The following ITFG2 variants were observed in gnomAD, a reference collection of about 807,000 sequenced individuals.
ITFG2 encodes the protein KICSTOR complex protein ITFG2.
A neutral mutation model predicts 54.4 loss-of-function variants in ITFG2; 36 were observed. That is an observed-to-expected ratio of 0.66 (90% confidence interval 0.51 to 0.87). The LOEUF is 0.87. Ranked by LOEUF, ITFG2 falls within the 40% of genes least tolerant of loss-of-function variation. The pLI, the probability that ITFG2 is intolerant of heterozygous loss-of-function variation, is 0.00. For missense variants in ITFG2, 524 were observed against 576.7 expected (o/e 0.91, Z 0.94); for synonymous variants, 211 against 225.4 (o/e 0.94, Z 0.57).
rs1452608806 is a variant in ITFG2, at chr12:2,849,149, G to C, written n.300+8154G>C. ...AGCCAGAGTCCTTTTGCTACCCCAG[G>C]GCCTCTTGCTGAAGGAGCATTGATT... is the stretch of plus-strand genomic sequence containing the variant. On this transcript the variant is annotated intron_variant and non_coding_transcript_variant, in intron 2 of 3. Coordinates refer to the ITFG2 transcript ENST00000537710. 5.0e-6 allele frequency: 7 copies of C among 1,398,186 alleles called. No individual in the cohort carries two copies. In the African/African-American group the frequency reaches 8.7e-5, roughly 17 times the overall value. 86.6% of individuals were successfully genotyped at this position (1,398,186 alleles called of 1,614,324 possible). A position where few individuals can be genotyped will look rare whatever the true frequency, so the allele number is the denominator to read the frequency against.
intron 4 of ITFG2, 118 bp from the exon 5 acceptor site, chr12:2,819,968 A>T: frequency 7.6e-7 from 1 of 1,307,860 alleles, no homozygotes; most frequent in Non-Finnish European, 1.0e-6. Flanking sequence ...CTGAGGGTGA[A>T]GTGAGTAGCA....
rs1435834023 is a variant in ITFG2, at chr12:2,824,380, GAA to G, written c.*188_*189del. ...AGACCTCGCAGTCTTTTCGGTGAAA[GAA>G]GAGACAAGTTGACCCTCTGCCCATT... On this transcript the variant is annotated 3_prime_UTR_variant, in exon 12 of 12. Coordinates refer to ENST00000228799, the MANE Select transcript of ITFG2 (RefSeq NM_018463.4). The G allele has an allele frequency of 1.4e-6, 1 of 697,898 alleles. No individual in the cohort carries two copies. Among genetic ancestry groups the G allele is most frequent in the East Asian group, 2.8e-5 (1 of 35,650 alleles). 43.2% of individuals were successfully genotyped at this position (697,898 alleles called of 1,614,324 possible).
At chr12:2,855,014 C>T (rs752038319) in intron 2 of ITFG2, 3 of 1,536,156 alleles carry the variant, frequency 2.0e-6, no homozygotes, top group South Asian at 2.4e-5. Context: ...CTGAAAATCA[C>T]CTGCTTCTTC....
chr12:2,816,839 A>T (rs922893639), intron 1 of ITFG2, among the ~76,000 whole-genome samples: 4 of 149,102 alleles, frequency 2.7e-5, no homozygotes, highest in Admixed American at 2.7e-4. Flanking sequence ...ACAAGGTTTC[A>T]CCATGTTGGC....
chr12:2,858,891 T>G, intron 3 of ITFG2: 1 of 1,613,976 alleles, frequency 6.2e-7, no homozygotes. Context: ...GTCTAAGGGT[T>G]CTGAACTGAG....
At position 2,845,747 on chromosome 12, in the gene ITFG2, C is replaced by T. The variant is rs1471849913; in HGVS notation, n.300+4752C>T. Reference sequence around the variant, plus strand: ...TAGGCAGATACAGATACAGAGATTCCCCCCACCCCACCCCACCAAAGGCTT... The same window carrying T: ...TAGGCAGATACAGATACAGAGATTCTCCCCACCCCACCCCACCAAAGGCTT... On this transcript the variant is annotated intron_variant and non_coding_transcript_variant, in intron 2 of 3. Coordinates refer to the ITFG2 transcript ENST00000537710. The surrounding 1 kb of genome is among the most constrained non-coding windows in gnomAD (Gnocchi z 4.2). Among the ~76,000 whole-genome samples the T allele has an allele frequency of 2.0e-5, 3 of 152,086 alleles. No homozygotes were observed. The highest frequency in any genetic ancestry group is 4.4e-5 in the Non-Finnish European group (3 of 68,008).
At chr12:2,853,026 C>T (rs16927962) in intron 2 of ITFG2, among the ~76,000 whole-genome samples, 4,713 of 151,190 alleles carry the variant, frequency 0.031, 110 homozygotes, top group Middle Eastern at 0.048. Flanking sequence ...CAAAAAAAAA[C>T]GGGGTTAATG....
intron 1 of ITFG2, among the ~76,000 whole-genome samples, chr12:2,839,985 G>T (rs761667855): frequency 8.6e-5 from 13 of 151,900 alleles, no homozygotes; most frequent in Non-Finnish European, 1.8e-4. Flanking sequence ...TAGGGCTGAA[G>T]AACTTCCTGT....
exon 1 of ITFG2, chr12:2,836,835 C>G (rs1265937601): frequency 6.6e-6 from 1 of 152,234 alleles, no homozygotes; most frequent in Admixed American, 6.5e-5. Context: ...CAAGGAACAC[C>G]TAAGAGGACC....
At chr12:2,817,780 G>C in intron 2 of ITFG2, 129 bp from the exon 3 acceptor site, 1 of 835,574 alleles carries the variant, frequency 1.2e-6, no homozygotes, top group African/African-American at 1.7e-5. Flanking sequence ...CCATCACCAT[G>C]GTTCATATGG....
Position 2,818,088 on chromosome 12 carries a change from T to TAC in ITFG2, c.235-17_235-16dup, listed in dbSNP as rs1478043275. Reference sequence around the variant, plus strand: ...CTCCCTCCCCAGTCCATCTCTACTATACCTCTGTTTGTCCTAGAACCTGTT... The same window carrying TAC: ...CTCCCTCCCCAGTCCATCTCTACTATACACCTCTGTTTGTCCTAGAACCTGTT... On this transcript the variant is annotated splice_polypyrimidine_tract_variant and intron_variant, in intron 3 of 11. Coordinates refer to ENST00000228799, the MANE Select transcript of ITFG2 (RefSeq NM_018463.4). The TAC allele has an allele frequency of 6.2e-7, 1 of 1,613,464 alleles. No homozygotes were observed. The highest frequency in any genetic ancestry group is 8.5e-7 in the Non-Finnish European group (1 of 1,179,404).
chr12:2,812,818 C>G lies in ITFG2; in HGVS notation c.58C>G (p.Pro20Ala). Reference protein sequence around the residue: ...VALEFSGSLFPHAICLGDVDN... With the variant: ...VALEFSGSLFAHAICLGDVDN... ...GCTGGAGTTCAGCGGGAGCCTCTTCCCGCACGCAATCTGCCTCGGAGACGT... is the reference window on the plus strand; with the variant it reads ...GCTGGAGTTCAGCGGGAGCCTCTTCGCGCACGCAATCTGCCTCGGAGACGT... Residue 20 changes from proline to alanine, a missense_variant, in exon 1 of 12, where the codon CCG (proline) becomes GCG (alanine). By Grantham distance (27) the Pro-to-Ala change is conservative (BLOSUM62 -1). Coordinates refer to ENST00000228799, the MANE Select transcript of ITFG2 (RefSeq NM_018463.4). The G allele has an allele frequency of 6.2e-7, 1 of 1,613,178 alleles. No homozygotes were observed. Among genetic ancestry groups the G allele is most frequent in the Non-Finnish European group, 8.5e-7 (1 of 1,179,302 alleles).
At position 2,812,712 on chromosome 12, in the gene ITFG2, C is replaced by G; in HGVS notation, c.-49C>G. 1 of 1,527,386 alleles carries G rather than the reference C, an allele frequency of 6.5e-7. No individual in the cohort carries two copies. Among genetic ancestry groups the G allele is most frequent in the South Asian group, 1.1e-5 (1 of 88,906 alleles). 94.6% of individuals were successfully genotyped at this position (1,527,386 alleles called of 1,614,324 possible). A position where few individuals can be genotyped will look rare whatever the true frequency, so the allele number is the denominator to read the frequency against. ...TCTGGCGGCTGTCGCGACGGGGGTT[C>G]AGGGAATATTTACTGGGCCTCTCCG... On this transcript the variant is annotated 5_prime_UTR_variant, in exon 1 of 12. Transcript: ENST00000228799.
intron 2 of ITFG2, among the ~76,000 whole-genome samples, chr12:2,842,180 G>A (rs1487799345): frequency 2.5e-5 from 3 of 121,012 alleles, no homozygotes; most frequent in Non-Finnish European, 4.8e-5. Context: ...GGAGTGCTGT[G>A]GCACGATCTC....
chr12:2,817,555 G>T (rs558187288), intron 2 of ITFG2: 92 of 550,276 alleles, frequency 1.7e-4, no homozygotes, highest in Non-Finnish European at 2.8e-4. Context: ...AGTACTCCTT[G>T]ACACTTTATG....
chr12:2,835,127 G>A, upstream of ITFG2: 2 of 1,435,570 alleles, frequency 1.4e-6, no homozygotes, highest in African/African-American at 1.4e-5. Flanking sequence ...CAACGCTGGG[G>A]TCCTGGTCAG....
At chr12:2,849,312 G>C (rs1485367559) in intron 2 of ITFG2, 3 of 1,536,140 alleles carry the variant, frequency 2.0e-6, no homozygotes, top group Non-Finnish European at 2.6e-6. Context: ...GGAGGGGTAA[G>C]GCAGTTCTGT....
downstream of ITFG2, among the ~76,000 whole-genome samples, chr12:2,829,420 T>C (rs1025470809): frequency 6.6e-6 from 1 of 152,118 alleles, no homozygotes; most frequent in Admixed American, 6.6e-5. Context: ...TCTTCAGGAG[T>C]CTAAAGGAAG....
At chr12:2,854,142 C>T (rs1480803639) in intron 2 of ITFG2, among the ~76,000 whole-genome samples, 3 of 152,242 alleles carry the variant, frequency 2.0e-5, no homozygotes, top group Non-Finnish European at 2.9e-5. Flanking sequence ...TCTCCTGCCT[C>T]AGTCTCCTGA....
Sources: gnomAD v4.1 joint callset for allele counts (sites outside exome capture counted in the v4.1 genomes callset) on GRCh38, gnomAD v4.1.1 for gene constraint, Gnocchi (gnomAD v3.1) non-coding constraint, MANE v1.5 for transcripts, NCBI Gene and HGNC (gene_info 2026-07-23, HGNC 2026-07-21) for gene names.